NCAM2: variants seen among roughly 807,000 people sequenced by gnomAD.
The protein encoded by NCAM2 is neural cell adhesion molecule 2, also known as N-CAM-2.
In NCAM2, 30 loss-of-function variants were observed where a neutral mutation model predicts 98.1. That is an observed-to-expected ratio of 0.31 (90% CI 0.23 to 0.41). NCAM2 has a LOEUF of 0.41. Among genes scored for constraint, NCAM2 ranks in the 10% least tolerant of loss-of-function variants. The pLI is 1.00. For missense variants in NCAM2, 867 were observed against 1,005.8 expected (o/e 0.86, Z 1.87); for synonymous variants, 368 against 342.4 (o/e 1.07, Z -0.83).
At chr21:21,384,750 TA>T (rs1375771177) in intron 9 of NCAM2, among the ~76,000 whole-genome samples, 1 of 152,048 alleles carries the variant, frequency 6.6e-6, no homozygotes, top group African/African-American at 2.4e-5. Context: ...GTAAATTATA[TA>T]AATATGCTAG....
At chr21:21,229,150 A>T (rs944189261) in intron 1 of NCAM2, among the ~76,000 whole-genome samples, 3 of 151,460 alleles carry the variant, frequency 2.0e-5, no homozygotes, top group African/African-American at 7.2e-5. Flanking sequence ...GGAGATGTTA[A>T]TGTGGTATTT....
chr21:21,182,027 C>CT (rs2068491590), intron 1 of NCAM2, among the ~76,000 whole-genome samples: 2 of 139,964 alleles, frequency 1.4e-5, no homozygotes, highest in Non-Finnish European at 3.0e-5. Context: ...ACCACCATCT[C>CT]TAAAAAAAAA....
chr21:21,423,009 C>G (rs1249522000), intron 11 of NCAM2, among the ~76,000 whole-genome samples: 1 of 151,994 alleles, frequency 6.6e-6, no homozygotes. Flanking sequence ...AATCATTACC[C>G]TACATTTTAA....
intron 15 of NCAM2, among the ~76,000 whole-genome samples, chr21:21,494,417 A>G (rs1158474584): frequency 6.6e-6 from 1 of 151,346 alleles, no homozygotes; most frequent in Non-Finnish European, 1.5e-5. Context: ...ACAAAGAACT[A>G]AAAATAAAAT....
chr21:21,232,807 G>A (rs1314203017), intron 1 of NCAM2, among the ~76,000 whole-genome samples: 2 of 151,512 alleles, frequency 1.3e-5, no homozygotes, highest in African/African-American at 4.8e-5. Flanking sequence ...AACTGTAGGA[G>A]CAACTCACCC....
At chr21:21,150,599 T>C (rs1024064005) in intron 1 of NCAM2, among the ~76,000 whole-genome samples, 1 of 152,098 alleles carries the variant, frequency 6.6e-6, no homozygotes, top group East Asian at 1.9e-4. Flanking sequence ...GATCATATGG[T>C]TTTTATCTTT....
rs1296660581 is a variant in NCAM2 at position 21,091,862 on chromosome 21, CT to C, written c.55+93251del. On this transcript the variant is annotated intron_variant, in intron 1 of 17. Transcript: ENST00000400546. ...TTTTTAAAAAATACTCTTCCTTTGA[CT>C]TTTTTTAAATAAAATGCTGTGAAAA... Among the ~76,000 whole-genome samples, 3 of 152,044 alleles carry C rather than the reference CT, an allele frequency of 2.0e-5. No individual in the cohort carries two copies. In the East Asian group the frequency reaches 5.8e-4, roughly 29 times the overall value.
intron 1 of NCAM2, among the ~76,000 whole-genome samples, chr21:21,071,158 A>C (rs6518064): frequency 6.6e-6 from 1 of 152,166 alleles, no homozygotes; most frequent in South Asian, 2.1e-4. Flanking sequence ...ACTAATTCCT[A>C]TGAGTAAATG....
At chr21:21,431,123 TTGTGTGTG>T (rs3037969) in intron 11 of NCAM2, among the ~76,000 whole-genome samples, 6 of 141,170 alleles carry the variant, frequency 4.3e-5, no homozygotes, top group Non-Finnish European at 6.1e-5. Flanking sequence ...TAATATATGT[TTGTGTGTG>T]TGTGTGTGTG....
chr21:21,214,722 C>CATATATATAT (rs1555829682), intron 1 of NCAM2, among the ~76,000 whole-genome samples: 138 of 92,604 alleles, frequency 1.5e-3, no homozygotes, highest in South Asian at 9.2e-3. Context: ...ATATATATTC[C>CATATATATAT]ATATATATAT....
At chr21:21,220,911 T>C (rs1372019695) in intron 1 of NCAM2, among the ~76,000 whole-genome samples, 4 of 152,226 alleles carry the variant, frequency 2.6e-5, no homozygotes, top group Non-Finnish European at 5.9e-5. Flanking sequence ...TCTTGACAGA[T>C]ATTTCATATT....
intron 10 of NCAM2, among the ~76,000 whole-genome samples, chr21:21,417,339 A>G (rs934840036): frequency 1.3e-5 from 2 of 152,242 alleles, no homozygotes; most frequent in South Asian, 2.1e-4. Flanking sequence ...TAATTATGTA[A>G]GAGCTGTTAC....
chr21:21,281,536 G>A (rs1417672390), intron 2 of NCAM2, among the ~76,000 whole-genome samples: 1 of 151,972 alleles, frequency 6.6e-6, no homozygotes, highest in Non-Finnish European at 1.5e-5. Context: ...TATACATATG[G>A]TTTTCTTTCC....
At chr21:21,415,356 T>TTTTTTTTTTTTTTG (rs2076970369) in intron 10 of NCAM2, among the ~76,000 whole-genome samples, 1 of 102,470 alleles carries the variant, frequency 9.8e-6, no homozygotes, top group Admixed American at 1.0e-4. Flanking sequence ...TTTTTTTTTT[T>TTTTTTTTTTTTTTG]GAGACAGGGT....
chr21:21,210,121 T>C (rs190303370), intron 1 of NCAM2, among the ~76,000 whole-genome samples: 53 of 152,326 alleles, frequency 3.5e-4, no homozygotes, highest in Non-Finnish European at 6.2e-4. Flanking sequence ...TAGATCAAAC[T>C]TGAATGTGCA....
intron 1 of NCAM2, among the ~76,000 whole-genome samples, chr21:21,109,452 A>T (rs951258643): frequency 2.0e-5 from 3 of 152,186 alleles, no homozygotes; most frequent in Non-Finnish European, 4.4e-5. Flanking sequence ...AAAATAAAAA[A>T]GTAAACTTTT....
chr21:21,344,443 T>C (rs2075133133), intron 8 of NCAM2, among the ~76,000 whole-genome samples: 1 of 152,100 alleles, frequency 6.6e-6, no homozygotes, highest in South Asian at 2.1e-4. Flanking sequence ...CACCACAAGC[T>C]AACTTAAGAG....
At position 21,408,869 on chromosome 21, in the gene NCAM2, T is replaced by A. The variant is rs1251040465; in HGVS notation, c.1196-1405T>A. ...ATTAAAAACATTCATTAAAGTAAAA[T>A]AGGACAAGGACTTCTAAATGATTAC... On this transcript the variant is annotated intron_variant, in intron 9 of 17. Transcript: ENST00000400546. 3.9e-5 allele frequency among the ~76,000 whole-genome samples: 6 copies of A among 152,108 alleles called. No homozygotes were observed. In the East Asian group the frequency reaches 1.2e-3, roughly 29 times the overall value.
chr21:21,144,871 A>T (rs2826703), intron 1 of NCAM2, among the ~76,000 whole-genome samples: 101,942 of 151,966 alleles, frequency 0.67, 34,223 homozygotes, highest in East Asian at 0.87. Flanking sequence ...TAGAGAAACA[A>T]AGGCATAAAA....
Sources: allele counts gnomAD v4.1 joint callset (sites outside exome capture counted in the v4.1 genomes callset), GRCh38; gene constraint gnomAD v4.1.1; transcripts MANE v1.5; gene names NCBI Gene and HGNC (gene_info 2026-07-23, HGNC 2026-07-21).